The following CAPN8 variants were observed in gnomAD, a reference collection of about 807,000 sequenced individuals.
CAPN8 encodes calpain 8, also known as calpain-8.
A neutral mutation model predicts 80.9 loss-of-function variants in CAPN8; 87 were observed. The ratio of observed to expected loss-of-function variants is 1.07; its 90% CI spans 0.90 to 1.28. CAPN8 has a LOEUF of 1.28. Ranked by LOEUF, CAPN8 falls within the 50% of genes most tolerant of loss-of-function variation. The pLI, the probability that CAPN8 is intolerant of heterozygous loss-of-function variation, is 0.00. For synonymous variants in CAPN8, 299 were observed against 273.8 expected, an observed-to-expected ratio of 1.09 and a Z score of -0.91; for missense variants, 757 against 702.0, an observed-to-expected ratio of 1.08 and a Z score of -0.89.
chr1:223,653,354 G>C (rs906591039), intron 2 of CAPN8, among the ~76,000 whole-genome samples: 7 of 151,826 alleles, frequency 4.6e-5, no homozygotes, highest in African/African-American at 1.7e-4. Context: ...AAAATAAAAT[G>C]CCTTGTGATT....
At chr1:223,609,053 A>G (rs1656968995) in intron 12 of CAPN8, 100 bp downstream of exon 12, 3 of 396,742 alleles carry the variant, frequency 7.6e-6, no homozygotes, top group South Asian at 1.4e-4. Context: ...TTCTGGGAAC[A>G]TGTACTGGGA....
intron 13 of CAPN8, among the ~76,000 whole-genome samples, chr1:223,555,659 G>T: frequency 6.6e-6 from 1 of 150,782 alleles, no homozygotes; most frequent in East Asian, 1.9e-4. Flanking sequence ...AAATTGCATA[G>T]GGGAAAAACA....
intron 2 of CAPN8, among the ~76,000 whole-genome samples, chr1:223,641,309 C>G (rs1210714549): frequency 7.9e-5 from 12 of 151,454 alleles, no homozygotes; most frequent in Non-Finnish European, 1.8e-4. Flanking sequence ...CACATGAAAA[C>G]TTTTTCATAA....
chr1:223,618,417 C>CACAGG, intron 9 of CAPN8: 7 of 1,210,136 alleles, frequency 5.8e-6, no homozygotes, highest in Non-Finnish European at 8.2e-6. Context: ...CCCCATGACA[C>CACAGG]GCATGCCCTG....
intron 2 of CAPN8, among the ~76,000 whole-genome samples, chr1:223,637,081 C>T (rs540178365): frequency 3.3e-5 from 5 of 152,172 alleles, no homozygotes; most frequent in African/African-American, 4.8e-5. Flanking sequence ...CTGAAGACTT[C>T]GCGTATATCA....
intron 2 of CAPN8, among the ~76,000 whole-genome samples, chr1:223,643,038 G>A (rs930044708): frequency 6.6e-5 from 10 of 152,352 alleles, no homozygotes; most frequent in Non-Finnish European, 1.2e-4. Flanking sequence ...ATCTCAGAGC[G>A]TGTTTCAAGG....
chr1:223,551,146 G>GT (rs1198159848), intron 14 of CAPN8, 129 bp from the exon 15 acceptor site: 2 of 594,640 alleles, frequency 3.4e-6, no homozygotes, highest in Non-Finnish European at 6.0e-6. Context: ...ATTTGTTTTT[G>GT]TTTTTTGTTT....
At chr1:223,610,035 A>G (rs1656992850) in intron 11 of CAPN8, among the ~76,000 whole-genome samples, 1 of 152,212 alleles carries the variant, frequency 6.6e-6, no homozygotes, top group Non-Finnish European at 1.5e-5. Flanking sequence ...CTGTTGGTGC[A>G]TGACACAGGT....
At chr1:223,639,024 G>A (rs1657980100) in intron 2 of CAPN8, among the ~76,000 whole-genome samples, 2 of 152,198 alleles carry the variant, frequency 1.3e-5, no homozygotes, top group African/African-American at 4.8e-5. Flanking sequence ...TGGATCACCT[G>A]AGGTCAGGAG....
At chr1:223,649,542 G>A (rs1892078) in intron 2 of CAPN8, among the ~76,000 whole-genome samples, 152,336 of 152,354 alleles carry the variant, frequency 1, 76,159 homozygotes, top group Non-Finnish European at 1. Context: ...CAGCAGTGTC[G>A]GCAAGCTGGG....
chr1:223,654,379 C>G lies in CAPN8; in HGVS notation c.258G>C (p.Gln86His), dbSNP rs965327485. ...KRPTELCPSP[Q>H]FIVGGATRTD... ...TGCGCGTGGCTCCACCAACGATAAA[C>G]TGAGGGCTGGGACACAACTCCTGAA... Residue 86 changes from glutamine (Q) to histidine (H), a missense_variant, in exon 2 of 21, where the codon CAG becomes CAC. Gln to His is a conservative substitution (Grantham distance 24). Transcript: ENST00000366872. The G allele has an allele frequency of 1.3e-6, 2 of 1,551,604 alleles. No individual in the cohort carries two copies. The highest frequency in any genetic ancestry group is 2.7e-5 in the African/African-American group (2 of 73,062).
At chr1:223,626,946 G>T (rs1474998825) in intron 5 of CAPN8, 43 bp downstream of exon 5, 98 of 1,536,390 alleles carry the variant, frequency 6.4e-5, no homozygotes, top group Non-Finnish European at 8.5e-5. Flanking sequence ...ACAAGGGGTG[G>T]CGGTGGGGGG....
At chr1:223,646,637 A>C (rs144446542) in intron 2 of CAPN8, among the ~76,000 whole-genome samples, 16 of 152,346 alleles carry the variant, frequency 1.1e-4, no homozygotes, top group Non-Finnish European at 2.1e-4. Flanking sequence ...ATGCCCTTTA[A>C]GAACCATCCA....
chr1:223,556,461 G>A (rs1341309288), intron 13 of CAPN8, among the ~76,000 whole-genome samples: 3 of 152,192 alleles, frequency 2.0e-5, no homozygotes, highest in Non-Finnish European at 2.9e-5. Flanking sequence ...CTCAGAAGGG[G>A]AGGCTGGACC....
Position 223,550,989 on chromosome 1 carries a change from T to G in CAPN8, c.1670A>C (p.Lys557Thr), listed in dbSNP as rs1390934645. The G allele has an allele frequency of 7.0e-6, 5 of 718,274 alleles. No homozygotes were observed. Among genetic ancestry groups the G allele is most frequent in the Non-Finnish European group, 1.3e-5 (5 of 385,032 alleles). The allele number at this position is 718,274 out of a possible 1,614,324, so 44.5% of individuals were successfully genotyped here. A position where few individuals can be genotyped will look rare whatever the true frequency, so the allele number is the denominator to read the frequency against. The change falls in exon 15 of 21, where the codon AAG (lysine) becomes ACG (threonine). Residue 557 changes from lysine to threonine, a missense_variant. Coordinates refer to ENST00000366872, the MANE Select transcript of CAPN8 (RefSeq NM_001143962.2). ...GGAAAACGCCTCATTCAAAAGTATC[T>G]TGAGTGCATTGGCAGTAATCTCAGA... ...KDSEITANAL[K>T]ILLNEAFSKR...
At chr1:223,549,509 A>G (rs1276925891) in intron 15 of CAPN8, 127 bp from the exon 16 acceptor site, 1 of 1,406,402 alleles carries the variant, frequency 7.1e-7, no homozygotes, top group Admixed American at 2.0e-5. Context: ...TCTCTGCCAA[A>G]AGGGGAGAGC....
intron 13 of CAPN8, among the ~76,000 whole-genome samples, chr1:223,557,680 G>A (rs1656936027): frequency 6.6e-6 from 1 of 152,186 alleles, no homozygotes; most frequent in Non-Finnish European, 1.5e-5. Flanking sequence ...CACTCCCCCA[G>A]CACCCCTCAG....
chr1:223,557,902 C>T (rs1319221393), intron 13 of CAPN8, among the ~76,000 whole-genome samples: 1 of 152,200 alleles, frequency 6.6e-6, no homozygotes, highest in African/African-American at 2.4e-5. Flanking sequence ...ACATGGAAGA[C>T]GATGGCTAAG....
At chr1:223,629,736 T>C (rs1474840118) in intron 2 of CAPN8, among the ~76,000 whole-genome samples, 2 of 152,224 alleles carry the variant, frequency 1.3e-5, no homozygotes, top group African/African-American at 4.8e-5. Context: ...GTGCTTTACA[T>C]CATGTGAAGG....
Sources: gnomAD v4.1 joint callset for allele counts (sites outside exome capture counted in the v4.1 genomes callset) on GRCh38, gnomAD v4.1.1 for gene constraint, MANE v1.5 for transcripts, NCBI Gene and HGNC (gene_info 2026-07-23, HGNC 2026-07-21) for gene names.